Variants in GLIS1 observed in about 807,000 individuals in gnomAD.
GLIS1 encodes the protein zinc finger protein GLIS1.
A neutral mutation model predicts 63.8 loss-of-function variants in GLIS1; 24 were observed. That is an observed-to-expected ratio of 0.38 (90% confidence interval 0.27 to 0.53). GLIS1 has a LOEUF of 0.53. Ranked by LOEUF, GLIS1 falls within the 20% of genes least tolerant of loss-of-function variation. The pLI, the probability that GLIS1 is intolerant of heterozygous loss-of-function variation, is 0.85. For synonymous variants in GLIS1, 450 were observed against 482.5 expected (o/e 0.93, Z 0.88); for missense variants, 1,036 against 1,074.1 (o/e 0.96, Z 0.50).
At chr1:53,559,789 CCA>C (rs1644868270) in intron 4 of GLIS1, among the ~76,000 whole-genome samples, 1 of 152,154 alleles carries the variant, frequency 6.6e-6, no homozygotes, top group African/African-American at 2.4e-5. Context: ...TCACCCTCAT[CCA>C]CACACACTCA....
rs765049963 is a variant in GLIS1 at position 53,514,673 on chromosome 1, G to A, written c.1835C>T (p.Ser612Phe). The change falls in exon 8 of 11, where the codon TCC (serine) becomes TTC (phenylalanine). Residue 612 changes from serine (S) to phenylalanine (F), a missense_variant. Ser to Phe is a radical substitution (Grantham distance 155). This residue lies in a region of GLIS1 where 400 missense variants were observed against 400.9 expected (regional missense o/e 1.00). Transcript: ENST00000628545. Reference protein sequence around the residue: ...RHHPLDATTSSHHHLSPLPMA... With the variant: ...RHHPLDATTSFHHHLSPLPMA... ...GGGCAGAGGGGACAGATGGTGGTGGGAACTGGTGGTGGCATCCAGCGGGTG... is the reference window on the plus strand; with the variant it reads ...GGGCAGAGGGGACAGATGGTGGTGGAAACTGGTGGTGGCATCCAGCGGGTG... 3.7e-6 allele frequency: 6 copies of A among 1,613,910 alleles called. No individual in the cohort carries two copies. In the Admixed American group the frequency reaches 1.0e-4, roughly 27 times the overall value.
At chr1:53,680,698 C>T (rs988616866) in intron 2 of GLIS1, among the ~76,000 whole-genome samples, 2 of 152,182 alleles carry the variant, frequency 1.3e-5, no homozygotes, top group African/African-American at 4.8e-5. Context: ...AGGTGTGATG[C>T]TCCTACTATC....
At chr1:53,692,228 AC>A (rs1646413063) in intron 2 of GLIS1, among the ~76,000 whole-genome samples, 2 of 152,202 alleles carry the variant, frequency 1.3e-5, no homozygotes, top group South Asian at 4.1e-4. Context: ...AACGAAGCAC[AC>A]CACGTAATGA....
intron 7 of GLIS1, among the ~76,000 whole-genome samples, chr1:53,517,363 A>C (rs113299436): frequency 0.019 from 2,822 of 151,838 alleles, 63 homozygotes; most frequent in African/African-American, 0.055. Flanking sequence ...GCCACTGCCT[A>C]CCTCCCCAGC....
At chr1:53,592,775 C>G (rs968252891) in intron 4 of GLIS1, among the ~76,000 whole-genome samples, 2 of 152,270 alleles carry the variant, frequency 1.3e-5, no homozygotes, top group Non-Finnish European at 2.9e-5. Context: ...CCTCCTGCCT[C>G]CCCTTGGCAC....
At chr1:53,586,171 A>C (rs997956308) in intron 4 of GLIS1, among the ~76,000 whole-genome samples, 1 of 152,200 alleles carries the variant, frequency 6.6e-6, no homozygotes, top group Non-Finnish European at 1.5e-5. Flanking sequence ...TGTTAAGCCC[A>C]AGCCCCCTGG....
At chr1:53,548,562 G>A (rs1644728357) in intron 4 of GLIS1, among the ~76,000 whole-genome samples, 1 of 152,166 alleles carries the variant, frequency 6.6e-6, no homozygotes, top group Non-Finnish European at 1.5e-5. Context: ...GAGAACCCTG[G>A]GCCTGGCTCT....
At chr1:53,524,644 C>A (rs919276356) in intron 6 of GLIS1, 133 bp downstream of exon 6, 1 of 674,492 alleles carries the variant, frequency 1.5e-6, no homozygotes, top group Non-Finnish European at 2.7e-6. Context: ...GACGAACGGA[C>A]GAACGGATGG....
chr1:53,538,261 G>C (rs1222535976), intron 4 of GLIS1, among the ~76,000 whole-genome samples: 1 of 152,206 alleles, frequency 6.6e-6, no homozygotes, highest in African/African-American at 2.4e-5. Context: ...GGACCGTGAG[G>C]CTCTCGAGGG....
chr1:53,580,026 C>T (rs991648009), intron 4 of GLIS1, among the ~76,000 whole-genome samples: 6 of 152,290 alleles, frequency 3.9e-5, no homozygotes, highest in African/African-American at 7.2e-5. Flanking sequence ...GTGCAGCCAC[C>T]GTCCTGATGA....
At chr1:53,661,967 G>T (rs1355962094) in intron 2 of GLIS1, among the ~76,000 whole-genome samples, 2 of 152,180 alleles carry the variant, frequency 1.3e-5, no homozygotes, top group Non-Finnish European at 2.9e-5. Flanking sequence ...GGGATGGAGG[G>T]CCATAGATTG....
chr1:53,592,771 G>A (rs1379512060), intron 4 of GLIS1, among the ~76,000 whole-genome samples: 1 of 152,210 alleles, frequency 6.6e-6, no homozygotes, highest in Admixed American at 6.5e-5. Flanking sequence ...CCCTCCTCCT[G>A]CCTCCCCTTG....
chr1:53,630,990 A>C (rs1018487398), intron 2 of GLIS1, among the ~76,000 whole-genome samples: 1 of 152,072 alleles, frequency 6.6e-6, no homozygotes. Context: ...TCCTTTATGC[A>C]TTTTCTCTCA....
rs540680962 is a variant in GLIS1 at position 53,626,433 on chromosome 1, C to T, written c.260-26155G>A. On this transcript the variant is annotated intron_variant, in intron 2 of 10. Coordinates refer to ENST00000628545, the MANE Select transcript of GLIS1 (RefSeq NM_001367484.1). ...AACCCTCTTCTGTGGCTCCTGTTCC[C>T]AGGGCTGCTACTCCCCAGCCTGCAT... Among the ~76,000 whole-genome samples the T allele has an allele frequency of 4.6e-5, 7 of 152,304 alleles. No individual in the cohort carries two copies. The South Asian group carries it at 1.0e-3, about 23-fold the overall frequency.
chr1:53,568,553 T>C (rs1313230910), intron 4 of GLIS1, among the ~76,000 whole-genome samples: 1 of 152,082 alleles, frequency 6.6e-6, no homozygotes, highest in Non-Finnish European at 1.5e-5. Context: ...AATGATATGG[T>C]TTGGCTCTGT....
At chr1:53,522,158 G>A (rs974115705) in intron 6 of GLIS1, among the ~76,000 whole-genome samples, 2 of 152,266 alleles carry the variant, frequency 1.3e-5, no homozygotes, top group African/African-American at 4.8e-5. Flanking sequence ...AATGTCGATC[G>A]GATTAGGAGC....
chr1:53,738,524 G>T (rs1443917690), intron 1 of GLIS1, among the ~76,000 whole-genome samples: 1 of 152,130 alleles, frequency 6.6e-6, no homozygotes, highest in African/African-American at 2.4e-5. Flanking sequence ...CCCGGAGACG[G>T]CTCCGGGTAG....
At chr1:53,738,646 G>A (rs1475497048) in intron 1 of GLIS1, among the ~76,000 whole-genome samples, 5 of 152,184 alleles carry the variant, frequency 3.3e-5, no homozygotes, top group Admixed American at 3.3e-4. Flanking sequence ...GCGACCACCC[G>A]AACCTGGAAA....
At chr1:53,710,321 C>T (rs1308514012) in intron 2 of GLIS1, among the ~76,000 whole-genome samples, 1 of 152,258 alleles carries the variant, frequency 6.6e-6, no homozygotes, top group Admixed American at 6.5e-5. Flanking sequence ...AGGGCCATAG[C>T]GTGGAGCCCC....
Sources: allele counts gnomAD v4.1 joint callset (sites outside exome capture counted in the v4.1 genomes callset), GRCh38; gene constraint gnomAD v4.1.1; regional missense constraint gnomAD v4.1.1; transcripts MANE v1.5; gene names NCBI Gene and HGNC (gene_info 2026-07-23, HGNC 2026-07-21).